The following RCL1 variants were observed in gnomAD, a reference collection of about 807,000 sequenced individuals.
The protein encoded by RCL1 is RNA 3'-terminal phosphate cyclase-like protein.
In RCL1, 24 loss-of-function variants were observed where a neutral mutation model predicts 42.4. That is an observed-to-expected ratio of 0.57 (90% CI 0.41 to 0.80). The LOEUF (loss-of-function observed/expected upper bound fraction) is 0.80. RCL1 is among the 30% of genes least tolerant of loss of function. RCL1 has a pLI of 0.00. For synonymous variants in RCL1, 228 were observed against 177.3 expected (o/e 1.29, Z -2.27); for missense variants, 578 against 467.9 (o/e 1.24, Z -2.17).
intron 1 of RCL1, chr9:4,804,861 C>A (rs1182166369): frequency 6.5e-6 from 1 of 153,194 alleles, no homozygotes; most frequent in African/African-American, 2.4e-5. Context: ...CTGAAAGCTA[C>A]GCCAACTCAG....
intron 1 of RCL1, among the ~76,000 whole-genome samples, chr9:4,796,032 A>G (rs10974789): frequency 0.16 from 24,398 of 152,174 alleles, 2,252 homozygotes; most frequent in South Asian, 0.34. Context: ...CTGGACAGAT[A>G]GGATTGAGAT....
intron 8 of RCL1, among the ~76,000 whole-genome samples, chr9:4,857,002 T>A (rs1817983344): frequency 6.6e-6 from 1 of 152,242 alleles, no homozygotes; most frequent in African/African-American, 2.4e-5. Context: ...TATATGTAGT[T>A]TGGTATACAC....
intron 8 of RCL1, among the ~76,000 whole-genome samples, chr9:4,859,569 G>A (rs145274538): frequency 2.0e-3 from 308 of 152,182 alleles, no homozygotes; most frequent in African/African-American, 7.2e-3. Flanking sequence ...ATGAAGGGAG[G>A]GACTTGTCTG....
chr9:4,829,551 G>A (rs1816882123), intron 3 of RCL1, among the ~76,000 whole-genome samples: 2 of 152,184 alleles, frequency 1.3e-5, no homozygotes, highest in Admixed American at 1.3e-4. Context: ...AGAAATTATT[G>A]TCTGGAGCCT....
chr9:4,828,550 T>TG (rs1244304031), intron 3 of RCL1, among the ~76,000 whole-genome samples: 1 of 151,700 alleles, frequency 6.6e-6, no homozygotes, highest in Non-Finnish European at 1.5e-5. Flanking sequence ...TTAAGTGTTT[T>TG]TTTTTTTTTG....
intron 6 of RCL1, 61 bp from the exon 7 acceptor site, chr9:4,844,464 C>A: frequency 1.6e-6 from 2 of 1,280,820 alleles, no homozygotes; most frequent in Non-Finnish European, 2.2e-6. Flanking sequence ...TTTCCGTTTG[C>A]TGGTGAGTGG....
chr9:4,837,374 C>A (rs1195620385), intron 5 of RCL1, among the ~76,000 whole-genome samples: 1 of 152,064 alleles, frequency 6.6e-6, no homozygotes, highest in East Asian at 1.9e-4. Context: ...TATAGGAATA[C>A]ACTTTCCAAT....
intron 1 of RCL1, among the ~76,000 whole-genome samples, chr9:4,808,311 T>A (rs1216981226): frequency 6.6e-6 from 1 of 152,178 alleles, no homozygotes; most frequent in African/African-American, 2.4e-5. Flanking sequence ...TTTTTAATTT[T>A]TTATTATTTT....
intron 1 of RCL1, among the ~76,000 whole-genome samples, chr9:4,793,816 C>T (rs1842871854): frequency 1.3e-5 from 2 of 152,136 alleles, no homozygotes; most frequent in African/African-American, 2.4e-5. Context: ...GATTGATGTG[C>T]GCAGGACAGG....
At chr9:4,802,713 GA>G (rs1239587466) in intron 1 of RCL1, among the ~76,000 whole-genome samples, 1 of 152,118 alleles carries the variant, frequency 6.6e-6, no homozygotes, top group African/African-American at 2.4e-5. Context: ...TAACTACATA[GA>G]AAAAAATTTT....
At chr9:4,807,334 G>A (rs1055358035) in intron 1 of RCL1, among the ~76,000 whole-genome samples, 1 of 152,038 alleles carries the variant, frequency 6.6e-6, no homozygotes, top group Non-Finnish European at 1.5e-5. Flanking sequence ...AAGTGTTTGA[G>A]GTGGAGCATA....
chr9:4,846,949 G>A (rs1817538115), intron 7 of RCL1, among the ~76,000 whole-genome samples: 1 of 150,994 alleles, frequency 6.6e-6, no homozygotes, highest in African/African-American at 2.4e-5. Context: ...GCAGTGACGT[G>A]ATCTTGGCTC....
chr9:4,808,641 A>C (rs1292485448), intron 1 of RCL1, among the ~76,000 whole-genome samples: 2 of 152,186 alleles, frequency 1.3e-5, no homozygotes, highest in African/African-American at 4.8e-5. Context: ...CTAGTAAAAT[A>C]GGGATAGAGA....
At chr9:4,846,066 G>T (rs1392815255) in intron 7 of RCL1, among the ~76,000 whole-genome samples, 1 of 152,182 alleles carries the variant, frequency 6.6e-6, no homozygotes, top group Non-Finnish European at 1.5e-5. Flanking sequence ...GGTAAAGCCT[G>T]ACTAGCCATA....
At chr9:4,805,713 T>G (rs970424447) in intron 1 of RCL1, among the ~76,000 whole-genome samples, 2 of 151,962 alleles carry the variant, frequency 1.3e-5, no homozygotes, top group Non-Finnish European at 2.9e-5. Context: ...GTGCAGTGCA[T>G]GCTGGTGGAT....
At position 4,810,402 on chromosome 9, in the gene RCL1, A is replaced by G. The variant is rs1268889317; in HGVS notation, c.137-13146A>G. ...ACACCATGGATTAGGTTTCTAAAAT[A>G]TTAACTATAATTTTTGTAAATGGAA... On this transcript the variant is annotated intron_variant, in intron 1 of 8. Transcript: ENST00000381750. 2.0e-5 allele frequency among the ~76,000 whole-genome samples: 3 copies of G among 152,348 alleles called. No homozygotes were observed. The East Asian group carries it at 5.8e-4, about 29-fold the overall frequency.
At chr9:4,798,278 T>G (rs1433729125) in intron 1 of RCL1, among the ~76,000 whole-genome samples, 1 of 152,242 alleles carries the variant, frequency 6.6e-6, no homozygotes, top group Non-Finnish European at 1.5e-5. Flanking sequence ...AGTCTCTGTA[T>G]AATGTGAGGT....
intron 1 of RCL1, among the ~76,000 whole-genome samples, chr9:4,806,412 T>C (rs1388954858): frequency 6.6e-6 from 1 of 152,210 alleles, no homozygotes; most frequent in Non-Finnish European, 1.5e-5. Context: ...TAACAGTTTT[T>C]CTAAGTGTCT....
intron 5 of RCL1, among the ~76,000 whole-genome samples, chr9:4,834,471 CTTTT>C (rs5896097): frequency 6.2e-5 from 8 of 128,422 alleles, no homozygotes; most frequent in Non-Finnish European, 6.6e-5. Flanking sequence ...TTGAGTCATT[CTTTT>C]TTTTTTTTTT....
Sources: gnomAD v4.1 joint callset for allele counts (sites outside exome capture counted in the v4.1 genomes callset) on GRCh38, gnomAD v4.1.1 for gene constraint, MANE v1.5 for transcripts, NCBI Gene and HGNC (gene_info 2026-07-23, HGNC 2026-07-21) for gene names.